Variants in CTBP2 observed in about 807,000 individuals in gnomAD.
CTBP2 encodes the protein C-terminal binding protein 2.
In CTBP2, 30 loss-of-function variants were observed where a neutral mutation model predicts 80.3. That is an observed-to-expected ratio of 0.37 (90% CI 0.28 to 0.51). The LOEUF is 0.51. Ranked by LOEUF, CTBP2 falls within the 20% of genes least tolerant of loss-of-function variation. CTBP2 has a pLI of 0.93. For missense variants in CTBP2, 1,212 were observed against 1,375.3 expected (o/e 0.88, Z 1.88); for synonymous variants, 594 against 587.4 (o/e 1.01, Z -0.16).
intron 2 of CTBP2, among the ~76,000 whole-genome samples, chr10:125,092,581 A>G (rs998499685): frequency 2.6e-5 from 4 of 152,098 alleles, no homozygotes; most frequent in African/African-American, 9.7e-5. Flanking sequence ...GTATGTGGGG[A>G]CAGATCTGGA....
At chr10:125,139,902 C>G (rs1857521841) in intron 1 of CTBP2, among the ~76,000 whole-genome samples, 3 of 152,172 alleles carry the variant, frequency 2.0e-5, no homozygotes, top group South Asian at 2.1e-4. Context: ...CCTTTCCAGA[C>G]AGTAAAGAAC....
chr10:125,127,514 G>T (rs979351799), intron 1 of CTBP2, among the ~76,000 whole-genome samples: 3 of 152,164 alleles, frequency 2.0e-5, no homozygotes, highest in African/African-American at 7.2e-5. Flanking sequence ...GTACCAATTG[G>T]CTCGGTGTTT....
intron 1 of CTBP2, among the ~76,000 whole-genome samples, chr10:125,157,411 G>C (rs536768559): frequency 2.7e-5 from 4 of 148,272 alleles, no homozygotes; most frequent in Admixed American, 6.7e-5. Context: ...AAAAAAGAGC[G>C]GGGGGGAGTC....
intron 1 of CTBP2, among the ~76,000 whole-genome samples, chr10:125,131,448 G>A (rs1856168298): frequency 1.3e-5 from 2 of 152,188 alleles, no homozygotes; most frequent in Admixed American, 6.5e-5. Flanking sequence ...AGAATCTACA[G>A]GACTCAGTGA....
chr10:125,094,530 TATGGCTCAA>T (rs1274402155), intron 2 of CTBP2, among the ~76,000 whole-genome samples: 1 of 152,228 alleles, frequency 6.6e-6, no homozygotes, highest in Non-Finnish European at 1.5e-5. Context: ...CCAAGCACGG[TATGGCTCAA>T]GTACAGTGTG....
chr10:125,133,823 C>A (rs1856553217), intron 1 of CTBP2, among the ~76,000 whole-genome samples: 1 of 152,230 alleles, frequency 6.6e-6, no homozygotes, highest in African/African-American at 2.4e-5. Flanking sequence ...CTCTCCTCCA[C>A]ACTGTGAGCT....
intron 2 of CTBP2, among the ~76,000 whole-genome samples, chr10:125,081,670 G>C (rs1021807910): frequency 6.0e-5 from 9 of 150,628 alleles, no homozygotes; most frequent in African/African-American, 2.2e-4. Flanking sequence ...AAAAGTTAAA[G>C]GGAAAAAAAA....
intron 8 of CTBP2, among the ~76,000 whole-genome samples, chr10:124,991,137 A>G (rs1461305277): frequency 1.3e-5 from 2 of 152,250 alleles, no homozygotes; most frequent in Non-Finnish European, 2.9e-5. Context: ...GTGAGGACAC[A>G]CTGCATTCGC....
At position 124,986,319 on chromosome 10, in the gene CTBP2, ACACAG is replaced by A. The variant is rs1952042277; in HGVS notation, c.*3194_*3198del. 2.3e-4 allele frequency: 35 copies of A among 152,296 alleles called. No individual in the cohort carries two copies. The highest frequency in any genetic ancestry group is 1.5e-5 in the Non-Finnish European group (1 of 67,984). The allele number at this position is 152,296 out of a possible 1,614,324, so 9.4% of individuals were successfully genotyped here. A position where few individuals can be genotyped will look rare whatever the true frequency, so the allele number is the denominator to read the frequency against. Reference sequence around the variant, plus strand: ...CACACACACACACACACACACACACACACAGTTTTTTCCTTCCCTGTGATGAAAAA... The same window carrying A: ...CACACACACACACACACACACACACATTTTTTCCTTCCCTGTGATGAAAAA... On this transcript the variant is annotated 3_prime_UTR_variant, in exon 9 of 9. Coordinates refer to ENST00000309035, the MANE Select transcript of CTBP2 (RefSeq NM_022802.3).
At chr10:125,069,055 T>G (rs1483848836) in intron 2 of CTBP2, among the ~76,000 whole-genome samples, 1 of 151,984 alleles carries the variant, frequency 6.6e-6, no homozygotes, top group Non-Finnish European at 1.5e-5. Flanking sequence ...GTAGAGCTGG[T>G]GCCCACCCCC....
intron 2 of CTBP2, among the ~76,000 whole-genome samples, chr10:125,078,233 TCG>T (rs1444862543): frequency 1.4e-5 from 2 of 140,456 alleles, no homozygotes. Context: ...TGAGCCGAGA[TCG>T]CGCCTCTGCA....
In CTBP2 at chr10:125,026,150, GGTGA is replaced by G. The variant is rs776973501; in HGVS notation, c.1606_1609del (p.Ser536ArgfsTer30). The G allele has an allele frequency of 1.2e-6, 2 of 1,607,366 alleles. No individual in the cohort carries two copies. Among genetic ancestry groups the G allele is most frequent in the African/African-American group, 1.3e-5 (1 of 74,892 alleles). ...TGTGCGCCGGGCCACCTTCTGGTAC[GGTGA>G]GTGAGGCGTGTGGAGGCTCTGGCTG... On this transcript the variant is annotated frameshift_variant, in exon 1 of 9. Transcript: ENST00000309035. LOFTEE classifies it high-confidence loss of function.
chr10:125,154,134 C>G (rs1254304353), intron 1 of CTBP2, among the ~76,000 whole-genome samples: 3 of 152,222 alleles, frequency 2.0e-5, no homozygotes, highest in Admixed American at 2.0e-4. Context: ...TTCTGCTGAT[C>G]AGAGGAGAGC....
rs878963358 is a variant in CTBP2, at chr10:124,992,740, A to T, written c.2732T>A (p.Ile911Lys). 6.2e-7 allele frequency: 1 copy of T among 1,609,050 alleles called. No individual in the cohort carries two copies. Among genetic ancestry groups the T allele is most frequent in the Non-Finnish European group, 8.5e-7 (1 of 1,177,656 alleles). The change falls in exon 8 of 9, where the codon ATA becomes AAA. Residue 911 changes from isoleucine to lysine, a missense_variant. This residue lies in a region of CTBP2 where 335 missense variants were observed against 504.7 expected (regional missense o/e 0.66). Coordinates refer to ENST00000309035, the MANE Select transcript of CTBP2 (RefSeq NM_022802.3). ...CTCAGGATGAATTGCTTGCTGGTCT[A>T]TTACTGACCAAGGCGCTGATGTGAC... is the stretch of plus-strand genomic sequence containing the variant.
chr10:125,021,408 G>C (rs1013748427), intron 1 of CTBP2, among the ~76,000 whole-genome samples: 8 of 152,152 alleles, frequency 5.3e-5, no homozygotes, highest in African/African-American at 1.9e-4. Context: ...TTATGCTCCT[G>C]GGCTGAAATC....
In CTBP2 at chr10:124,985,101, G is replaced by T; in HGVS notation, c.*4417C>A. ...ATCATGGAATGAACCAAATCTGGCA[G>T]GATCTGCTCGGGGAAGTGTTTTCCT... On this transcript the variant is annotated 3_prime_UTR_variant, in exon 9 of 9. Coordinates refer to ENST00000309035, the MANE Select transcript of CTBP2 (RefSeq NM_022802.3). 2.4e-6 allele frequency: 2 copies of T among 828,504 alleles called. No homozygotes were observed. Among genetic ancestry groups the T allele is most frequent in the Non-Finnish European group, 3.8e-6 (2 of 523,494 alleles). The allele number at this position is 828,504 out of a possible 1,614,324, so 51.3% of individuals were successfully genotyped here.
intron 1 of CTBP2, among the ~76,000 whole-genome samples, chr10:125,125,062 A>G (rs2136073347): frequency 6.6e-6 from 1 of 152,330 alleles, no homozygotes; most frequent in South Asian, 2.1e-4. Context: ...GGCTGTAGCC[A>G]CAGGGCTCAA....
chr10:124,989,767 T>C, intron 8 of CTBP2, 69 bp from the exon 11 acceptor site: 1 of 1,420,586 alleles, frequency 7.0e-7, no homozygotes, highest in South Asian at 1.5e-5. Context: ...GCTCTTCTAC[T>C]TCTGGCCTTT....
At chr10:125,043,184 A>G (rs897661577) in intron 2 of CTBP2, among the ~76,000 whole-genome samples, 2 of 152,234 alleles carry the variant, frequency 1.3e-5, no homozygotes, top group African/African-American at 4.8e-5. Flanking sequence ...AACAAAAAGG[A>G]AAAACGGCAC....
Sources: gnomAD v4.1 joint callset for allele counts (sites outside exome capture counted in the v4.1 genomes callset) on GRCh38, gnomAD v4.1.1 for gene constraint, gnomAD v4.1.1 regional missense constraint, MANE v1.5 for transcripts, NCBI Gene and HGNC (gene_info 2026-07-23, HGNC 2026-07-21) for gene names.